Variants in EYA3 observed in about 807,000 individuals in gnomAD.
EYA3 encodes EYA transcriptional coactivator and phosphatase 3.
Under a neutral mutation model 80.0 loss-of-function variants are expected in EYA3, and 39 were observed. The observed-to-expected ratio is 0.49, with a 90% CI of 0.38 to 0.64. EYA3 has a LOEUF of 0.64. Ranked by LOEUF, EYA3 falls within the 30% of genes least tolerant of loss-of-function variation. The pLI, the probability that EYA3 is intolerant of heterozygous loss-of-function variation, is 0.00. For synonymous variants in EYA3, 206 were observed against 232.8 expected (o/e 0.88, Z 1.05); for missense variants, 523 against 676.1 (o/e 0.77, Z 2.51).
chr1:28,025,560 G>A (rs555080256), intron 7 of EYA3, among the ~76,000 whole-genome samples: 3 of 152,268 alleles, frequency 2.0e-5, no homozygotes, highest in East Asian at 3.9e-4. Flanking sequence ...TGAGGATTAC[G>A]TGTGCAACAT....
intron 16 of EYA3, 150 bp from the exon 17 acceptor site, chr1:27,978,624 T>C (rs1639101615): frequency 1.7e-6 from 1 of 597,802 alleles, no homozygotes; most frequent in Non-Finnish European, 3.0e-6. Context: ...GGATGGGAGC[T>C]AGAGATCCAG....
chr1:27,978,732 G>A (rs1405557290), intron 16 of EYA3, among the ~76,000 whole-genome samples: 5 of 152,216 alleles, frequency 3.3e-5, no homozygotes, highest in African/African-American at 1.2e-4. Flanking sequence ...GGGAGACCGA[G>A]GCGGGCGAAT....
Position 28,009,204 on chromosome 1 carries a change from C to T in EYA3, c.909+1743G>A, listed in dbSNP as rs576677422. Among the ~76,000 whole-genome samples, 1 of 152,158 alleles carries T rather than the reference C, an allele frequency of 6.6e-6. No homozygotes were observed. Among genetic ancestry groups the T allele is most frequent in the East Asian group, 1.9e-4 (1 of 5,200 alleles). ...GATAATTGTACACCAATGGTCAAAG[C>T]AGCATTACTCACAATAGCACAAAGG... is the stretch of plus-strand genomic sequence containing the variant. On this transcript the variant is annotated intron_variant, in intron 10 of 17. Coordinates refer to ENST00000373871, the MANE Select transcript of EYA3 (RefSeq NM_001990.4). This position sits in a 1 kb window ranked among gnomAD's most constrained non-coding sequence, Gnocchi z 4.8.
At chr1:27,991,933 G>C (rs774120403) in intron 14 of EYA3, among the ~76,000 whole-genome samples, 3 of 152,124 alleles carry the variant, frequency 2.0e-5, no homozygotes, top group Non-Finnish European at 4.4e-5. Context: ...ATGTTTGTGA[G>C]AAAGAAAATG....
intron 4 of EYA3, among the ~76,000 whole-genome samples, chr1:28,040,612 G>A (rs780355250): frequency 2.6e-5 from 4 of 152,186 alleles, no homozygotes; most frequent in African/African-American, 7.2e-5. Context: ...GGGAGGAAAA[G>A]TACTGAGAGG....
At chr1:28,072,448 T>C (rs1557645213) in intron 1 of EYA3, among the ~76,000 whole-genome samples, 1 of 152,006 alleles carries the variant, frequency 6.6e-6, no homozygotes, top group Non-Finnish European at 1.5e-5. Context: ...CAGAGACTAG[T>C]ACAGAGAGCC....
chr1:27,997,790 G>A (rs1399393285), intron 12 of EYA3, among the ~76,000 whole-genome samples: 40 of 152,112 alleles, frequency 2.6e-4, no homozygotes, highest in Non-Finnish European at 7.3e-5. Flanking sequence ...CCTTACGTAG[G>A]TTGTGCCCAA....
At chr1:28,053,875 T>C (rs1468979011) in intron 2 of EYA3, among the ~76,000 whole-genome samples, 1 of 152,224 alleles carries the variant, frequency 6.6e-6, no homozygotes. Flanking sequence ...ATCTCAAATG[T>C]CATTCTGAAA....
intron 16 of EYA3, among the ~76,000 whole-genome samples, chr1:27,984,454 A>G (rs1208069182): frequency 6.6e-6 from 1 of 152,050 alleles, no homozygotes; most frequent in Non-Finnish European, 1.5e-5. Flanking sequence ...GATCACACAG[A>G]TACTCTTCTA....
chr1:28,000,661 G>C (rs947966150), intron 11 of EYA3, among the ~76,000 whole-genome samples: 3 of 152,098 alleles, frequency 2.0e-5, no homozygotes, highest in Non-Finnish European at 4.4e-5. Context: ...AAGGTAGCTA[G>C]CTCACACCTG....
At chr1:28,073,118 T>TATATATATATATATATATATATATAG (rs1645078557) in intron 1 of EYA3, among the ~76,000 whole-genome samples, 1 of 49,742 alleles carries the variant, frequency 2.0e-5, no homozygotes, top group Non-Finnish European at 3.9e-5. Context: ...TATATATATA[T>TATATATATATATATATATATATATAG]ATATATATAT....
chr1:28,017,082 T>C (rs569766242), intron 8 of EYA3, 72 bp downstream of exon 8: 11 of 1,330,900 alleles, frequency 8.3e-6, no homozygotes, highest in African/African-American at 7.3e-5. Context: ...GATAGGCAAA[T>C]TGACCATGGA....
At chr1:28,036,672 C>T (rs1040423238) in intron 5 of EYA3, among the ~76,000 whole-genome samples, 6 of 152,230 alleles carry the variant, frequency 3.9e-5, no homozygotes, top group Non-Finnish European at 2.9e-5. Context: ...AGCAGTGAAA[C>T]TCCTGGGACT....
At chr1:28,040,656 C>T (rs1175505084) in intron 4 of EYA3, among the ~76,000 whole-genome samples, 1 of 152,036 alleles carries the variant, frequency 6.6e-6, no homozygotes, top group Non-Finnish European at 1.5e-5. Context: ...CTAGAATTTG[C>T]AACATGAAAA....
intron 2 of EYA3, among the ~76,000 whole-genome samples, chr1:28,056,500 G>A (rs1274726451): frequency 6.6e-6 from 1 of 152,144 alleles, no homozygotes; most frequent in Non-Finnish European, 1.5e-5. Context: ...CAGTGGCACT[G>A]ATCTCTCCAT....
At chr1:28,003,864 G>T (rs1641075664) in intron 11 of EYA3, among the ~76,000 whole-genome samples, 1 of 146,020 alleles carries the variant, frequency 6.8e-6, no homozygotes, top group Admixed American at 6.9e-5. Flanking sequence ...GTTTTGCTTG[G>T]TGTATTTAGT....
chr1:28,006,608 A>G (rs1203265242), intron 10 of EYA3, among the ~76,000 whole-genome samples: 1 of 152,154 alleles, frequency 6.6e-6, no homozygotes, highest in Admixed American at 6.5e-5. Context: ...CAGGAGTCCG[A>G]GGCAGGAGAA....
At chr1:28,020,946 TGAG>T (rs1288248192) in intron 7 of EYA3, among the ~76,000 whole-genome samples, 20 of 152,090 alleles carry the variant, frequency 1.3e-4, no homozygotes, top group African/African-American at 4.8e-4. Context: ...ACACCACTTT[TGAG>T]AACCAGGCCC....
At chr1:27,998,578 G>T (rs1402959951) in intron 12 of EYA3, among the ~76,000 whole-genome samples, 1 of 151,880 alleles carries the variant, frequency 6.6e-6, no homozygotes, top group African/African-American at 2.4e-5. Flanking sequence ...AAAAGAGATG[G>T]GATTACTTTG....
Sources: allele counts gnomAD v4.1 joint callset (sites outside exome capture counted in the v4.1 genomes callset), GRCh38; gene constraint gnomAD v4.1.1; non-coding constraint Gnocchi (gnomAD v3.1); transcripts MANE v1.5; gene names NCBI Gene and HGNC (gene_info 2026-07-23, HGNC 2026-07-21).